Variants in PAH observed in about 807,000 individuals in gnomAD.
PAH encodes phenylalanine-4-hydroxylase.
Under a neutral mutation model 62.0 loss-of-function variants are expected in PAH, and 64 were observed. The observed-to-expected ratio is 1.03, with a 90% CI of 0.84 to 1.27. The LOEUF (loss-of-function observed/expected upper bound fraction) is 1.27, where lower values mean the gene tolerates loss of function less well. PAH is among the 50% of genes most tolerant of loss of function. PAH has a pLI of 0.00. For synonymous variants in PAH, 195 were observed against 196.2 expected (o/e 0.99, Z 0.05); for missense variants, 579 against 542.8 (o/e 1.07, Z -0.66).
intron 5 of PAH, among the ~76,000 whole-genome samples, chr12:102,861,532 A>G (rs1209519513): frequency 6.6e-6 from 1 of 152,154 alleles, no homozygotes; most frequent in Middle Eastern, 3.2e-3. Flanking sequence ...ACATGCACAC[A>G]TATGTTTATT....
chr12:102,845,374 C>A (rs1874791094), intron 9 of PAH, among the ~76,000 whole-genome samples: 2 of 152,158 alleles, frequency 1.3e-5, no homozygotes, highest in Admixed American at 1.3e-4. Flanking sequence ...TGCTCTGAAG[C>A]TGGCAGAGCT....
chr12:102,907,770 C>T (rs1592985984), intron 2 of PAH, among the ~76,000 whole-genome samples: 1 of 152,038 alleles, frequency 6.6e-6, no homozygotes, highest in East Asian at 1.9e-4. Flanking sequence ...AAGTATGCGC[C>T]ATCACGCCCA....
intron 5 of PAH, among the ~76,000 whole-genome samples, chr12:102,856,497 G>A (rs12427231): frequency 6.6e-6 from 1 of 152,148 alleles, no homozygotes; most frequent in South Asian, 2.1e-4. Context: ...GGTTCTCCCA[G>A]CATGGAGTTT....
intron 1 of PAH, among the ~76,000 whole-genome samples, chr12:102,949,837 C>A (rs1488669441): frequency 6.6e-6 from 1 of 152,076 alleles, no homozygotes; most frequent in Admixed American, 6.5e-5. Flanking sequence ...TCCATGGTTG[C>A]CCCCACCGCA....
chr12:102,944,663 C>T (rs188014119), intron 1 of PAH, among the ~76,000 whole-genome samples: 24 of 152,140 alleles, frequency 1.6e-4, no homozygotes, highest in Admixed American at 1.4e-3. Flanking sequence ...TCTATGTTAT[C>T]TTGAATTATG....
chr12:102,876,774 AC>A (rs1472126031), intron 4 of PAH, among the ~76,000 whole-genome samples: 2 of 147,042 alleles, frequency 1.4e-5, no homozygotes, highest in African/African-American at 5.1e-5. Context: ...AATATCCCCC[AC>A]CCCGGCCCTC....
At chr12:102,898,643 C>A (rs1877609818) in intron 2 of PAH, among the ~76,000 whole-genome samples, 2 of 152,066 alleles carry the variant, frequency 1.3e-5, no homozygotes, top group South Asian at 4.1e-4. Context: ...TTTCTGTGAC[C>A]ATCCCAACAA....
intron 1 of PAH, chr12:102,946,481 T>C (rs1002578237): frequency 2.6e-5 from 4 of 152,318 alleles, no homozygotes; most frequent in African/African-American, 9.6e-5. Context: ...CTGGTCTAAA[T>C]GCTCCCTCTG....
In PAH at chr12:102,894,809, T is replaced by A; in HGVS notation, c.278A>T (p.Asn93Ile). 6.2e-7 allele frequency: 1 copy of A among 1,614,056 alleles called. No homozygotes were observed. The highest frequency in any genetic ancestry group is 1.1e-5 in the South Asian group (1 of 91,070). ...LDKRSLPALT[N>I]IIKILRHDIG... is the part of the protein sequence containing the mutation. The stretch of plus-strand genomic sequence containing the variant: ...GTCATGCCTCAAGATCTTGATGATG[T>A]TTGTCAGAGCAGGCAGGCTACGTTT... The change falls in exon 3 of 13, where the codon AAC becomes ATC. Residue 93 changes from asparagine to isoleucine, a missense_variant. Transcript: ENST00000553106.
upstream of PAH, among the ~76,000 whole-genome samples, chr12:102,951,115 G>T (rs545809238): frequency 1.6e-4 from 24 of 152,284 alleles, no homozygotes; most frequent in African/African-American, 5.8e-4. Context: ...GTCACTTCGG[G>T]TTAGCGTGAG....
intron 1 of PAH, among the ~76,000 whole-genome samples, chr12:102,936,461 C>T (rs1387292862): frequency 1.3e-5 from 2 of 152,108 alleles, no homozygotes; most frequent in Non-Finnish European, 2.9e-5. Context: ...GTGTTCTGCT[C>T]AATGCTGAAA....
chr12:102,952,558 A>G (rs887996854), upstream of PAH, among the ~76,000 whole-genome samples: 1 of 152,138 alleles, frequency 6.6e-6, no homozygotes, highest in African/African-American at 2.4e-5. Flanking sequence ...GACTTTCTTT[A>G]TGCTCATCCA....
Position 102,848,488 on chromosome 12 carries a change from AG to A in PAH, c.913-1538del, listed in dbSNP as rs1322942224. Reference sequence around the variant, plus strand: ...GGTGGAGGGTAGACAGGACACCAGGAGACTGGAGAGGTTGAGGATAGACAGG... The same window carrying A: ...GGTGGAGGGTAGACAGGACACCAGGAACTGGAGAGGTTGAGGATAGACAGG... On this transcript the variant is annotated intron_variant, in intron 8 of 12. Transcript: ENST00000553106. 1.3e-4 allele frequency among the ~76,000 whole-genome samples: 18 copies of A among 142,772 alleles called. 1 individual carries two copies. The highest frequency in any genetic ancestry group is 4.6e-5 in the Non-Finnish European group (3 of 65,342). 93.7% of individuals were successfully genotyped at this position (142,772 alleles called of 152,430 possible).
chr12:102,958,061 A>T, intron 1 of PAH: 1 of 427,366 alleles, frequency 2.3e-6, no homozygotes, highest in Non-Finnish European at 4.0e-6. Flanking sequence ...TTTTGCTCCC[A>T]CTCTAAGAAG....
At chr12:102,882,568 G>A (rs969470164) in intron 3 of PAH, among the ~76,000 whole-genome samples, 7 of 143,970 alleles carry the variant, frequency 4.9e-5, no homozygotes, top group African/African-American at 1.8e-4. Flanking sequence ...AGTTACATAT[G>A]TGTGTATGTA....
At position 102,852,806 on chromosome 12, in the gene PAH, A is replaced by AGTACTCAC; in HGVS notation, c.842+1_842+8dup. ...GCCTGGCAACTGGTAGCTGGAGGAC[A>AGTACTCAC]GTACTCACGGTTCGGGGGTATACAT... On this transcript the variant is annotated intron_variant, in intron 7 of 12. Transcript: ENST00000553106. 1 of 1,614,050 alleles carries AGTACTCAC rather than the reference A, an allele frequency of 6.2e-7. No homozygotes were observed. The highest frequency in any genetic ancestry group is 2.2e-5 in the East Asian group (1 of 44,876).
At chr12:102,905,309 A>G (rs1565870757) in intron 2 of PAH, among the ~76,000 whole-genome samples, 2 of 152,194 alleles carry the variant, frequency 1.3e-5, no homozygotes, top group Non-Finnish European at 2.9e-5. Flanking sequence ...CTTGGCCCCA[A>G]ATAGCTCCCT....
intron 5 of PAH, among the ~76,000 whole-genome samples, chr12:102,857,653 G>C (rs1193018657): frequency 6.6e-6 from 1 of 152,212 alleles, no homozygotes; most frequent in African/African-American, 2.4e-5. Context: ...AGCCAGAAGA[G>C]AGTGGGGGCC....
chr12:102,894,429 T>TAAAAAAAA (rs3062651), intron 3 of PAH, among the ~76,000 whole-genome samples: 2 of 138,966 alleles, frequency 1.4e-5, no homozygotes, highest in African/African-American at 2.7e-5. Context: ...GCTTATAAAG[T>TAAAAAAAA]AAAAAAAAAA....
Sources: gnomAD v4.1 joint callset for allele counts (sites outside exome capture counted in the v4.1 genomes callset) on GRCh38, gnomAD v4.1.1 for gene constraint, MANE v1.5 for transcripts, NCBI Gene and HGNC (gene_info 2026-07-23, HGNC 2026-07-21) for gene names.